The following RBFOX1 variants were observed in gnomAD, a reference collection of about 807,000 sequenced individuals.
RBFOX1 encodes the protein RNA binding fox-1 homolog 1.
Under a neutral mutation model 57.7 loss-of-function variants are expected in RBFOX1, and 8 were observed. That is an observed-to-expected ratio of 0.14 (90% CI 0.08 to 0.25). RBFOX1 has a LOEUF of 0.25. Ranked by LOEUF, RBFOX1 falls within the 10% of genes least tolerant of loss-of-function variation. The probability of loss-of-function intolerance (pLI) is 1.00; values close to 1 mark genes in which losing one functional copy is unlikely to be tolerated. For synonymous variants in RBFOX1, 326 were observed against 222.4 expected, an observed-to-expected ratio of 1.47 and a Z score of -4.15; for missense variants, 611 against 548.5, an observed-to-expected ratio of 1.11 and a Z score of -1.14.
intron 3 of RBFOX1, among the ~76,000 whole-genome samples, chr16:6,688,204 C>T (rs1005255595): frequency 6.6e-6 from 1 of 151,766 alleles, no homozygotes. Context: ...GAGAAGCAGG[C>T]GTGTCTTAGG....
intron 3 of RBFOX1, among the ~76,000 whole-genome samples, chr16:6,850,089 G>T (rs1015729395): frequency 1.3e-5 from 2 of 152,098 alleles, no homozygotes; most frequent in Non-Finnish European, 2.9e-5. Context: ...GATTGACATG[G>T]ACTCTTAAGT....
intron 3 of RBFOX1, among the ~76,000 whole-genome samples, chr16:5,835,826 C>T (rs561527346): frequency 3.3e-5 from 5 of 152,270 alleles, no homozygotes; most frequent in Admixed American, 6.5e-5. Flanking sequence ...CAATTGATTA[C>T]GAGCTCTTGG....
At chr16:5,624,460 G>A (rs1339454628) in intron 3 of RBFOX1, among the ~76,000 whole-genome samples, 1 of 152,250 alleles carries the variant, frequency 6.6e-6, no homozygotes, top group Non-Finnish European at 1.5e-5. Flanking sequence ...GCCTCCCAAA[G>A]TTCTGGGATC....
At chr16:6,387,506 TA>T (rs1341030606) in intron 2 of RBFOX1, among the ~76,000 whole-genome samples, 2 of 149,968 alleles carry the variant, frequency 1.3e-5, no homozygotes, top group South Asian at 2.1e-4. Context: ...GAGAGAGGTG[TA>T]AAAAAAATGA....
intron 1 of RBFOX1, among the ~76,000 whole-genome samples, chr16:5,401,875 A>G (rs2066727377): frequency 6.7e-6 from 1 of 150,142 alleles, no homozygotes; most frequent in African/African-American, 2.5e-5. Flanking sequence ...CGTCGTCGTC[A>G]TTTCTGTCTC....
intron 3 of RBFOX1, among the ~76,000 whole-genome samples, chr16:5,729,474 G>A (rs150999572): frequency 7.1e-6 from 1 of 141,648 alleles, no homozygotes; most frequent in Non-Finnish European, 1.5e-5. Flanking sequence ...TAGATGGCTT[G>A]CATTTAGGGG....
chr16:6,962,250 C>T (rs1431543903), intron 3 of RBFOX1, among the ~76,000 whole-genome samples: 1 of 152,078 alleles, frequency 6.6e-6, no homozygotes, highest in Admixed American at 6.5e-5. Context: ...GTCAGACCTC[C>T]CTCTCCTTTC....
At chr16:7,448,546 C>T (rs993927186) in intron 4 of RBFOX1, among the ~76,000 whole-genome samples, 4 of 152,124 alleles carry the variant, frequency 2.6e-5, no homozygotes, top group Admixed American at 1.3e-4. Flanking sequence ...AGACCCACCT[C>T]TATGATTCAG....
chr16:5,439,222 G>A (rs2068009157), intron 1 of RBFOX1, among the ~76,000 whole-genome samples: 1 of 152,062 alleles, frequency 6.6e-6, no homozygotes, highest in Non-Finnish European at 1.5e-5. Context: ...TGGAATGTGA[G>A]TCATTCCAGG....
intron 1 of RBFOX1, among the ~76,000 whole-genome samples, chr16:6,103,503 G>T (rs1053061060): frequency 7.2e-5 from 11 of 151,980 alleles, no homozygotes; most frequent in African/African-American, 2.7e-4. Flanking sequence ...AACTTTTCAG[G>T]TACTTAACAG....
intron 13 of RBFOX1, among the ~76,000 whole-genome samples, chr16:7,667,026 T>C (rs552311627): frequency 1.3e-5 from 2 of 152,324 alleles, no homozygotes; most frequent in Admixed American, 1.3e-4. Context: ...AATTATCGTT[T>C]TCCCCACTCT....
intron 3 of RBFOX1, among the ~76,000 whole-genome samples, chr16:5,834,569 G>A (rs1005182540): frequency 2.0e-5 from 3 of 148,226 alleles, no homozygotes; most frequent in African/African-American, 7.6e-5. Flanking sequence ...ATATAGAAGT[G>A]CATGTGTCAT....
intron 4 of RBFOX1, among the ~76,000 whole-genome samples, chr16:5,989,607 G>A (rs1193041640): frequency 6.6e-6 from 1 of 152,016 alleles, no homozygotes; most frequent in Non-Finnish European, 1.5e-5. Context: ...GTGGGTGGGG[G>A]CAGAAGACCT....
intron 1 of RBFOX1, among the ~76,000 whole-genome samples, chr16:6,020,779 C>T (rs1344492803): frequency 6.6e-6 from 1 of 152,188 alleles, no homozygotes; most frequent in Admixed American, 6.5e-5. Flanking sequence ...CCGCTCCCAT[C>T]TCCCCACCGC....
chr16:6,732,084 C>G (rs528568518), intron 3 of RBFOX1, among the ~76,000 whole-genome samples: 27 of 152,134 alleles, frequency 1.8e-4, no homozygotes, highest in African/African-American at 6.3e-4. Context: ...TTAACCTTTC[C>G]TTCATTTCTC....
chr16:5,496,851 C>A (rs1021503295), intron 2 of RBFOX1, among the ~76,000 whole-genome samples: 3 of 152,226 alleles, frequency 2.0e-5, no homozygotes, highest in African/African-American at 7.2e-5. Context: ...TAATCCATTT[C>A]TGCTCAGTAG....
intron 1 of RBFOX1, among the ~76,000 whole-genome samples, chr16:6,272,956 A>G (rs1240401427): frequency 1.3e-5 from 2 of 152,148 alleles, no homozygotes; most frequent in African/African-American, 4.8e-5. Flanking sequence ...AAAACTATAA[A>G]ACATTTAGTA....
rs139538007 is a variant in RBFOX1 at position 5,262,792 on chromosome 16, G to A, written c.219+22687G>A. On this transcript the variant is annotated intron_variant, in intron 1 of 2. Transcript: ENST00000585867. ...ATGGGGAGTTTGGATTTCACTGTGTGTAGCATGGAGAATCCTTGAAAATAT... is the reference window on the plus strand; with the variant it reads ...ATGGGGAGTTTGGATTTCACTGTGTATAGCATGGAGAATCCTTGAAAATAT... Among the ~76,000 whole-genome samples, 643 of 152,326 alleles carry A rather than the reference G, an allele frequency of 4.2e-3. 3 individuals carry two copies. Among genetic ancestry groups the A allele is most frequent in the African/African-American group, 0.015 (614 of 41,570 alleles).
At chr16:6,806,805 A>AT (rs1567330735) in intron 3 of RBFOX1, among the ~76,000 whole-genome samples, 1 of 110,262 alleles carries the variant, frequency 9.1e-6, no homozygotes, top group African/African-American at 3.4e-5. Context: ...TATATATATA[A>AT]ATAAATATAT....
Sources: allele counts gnomAD v4.1 joint callset (sites outside exome capture counted in the v4.1 genomes callset), GRCh38; gene constraint gnomAD v4.1.1; transcripts MANE v1.5; gene names NCBI Gene and HGNC (gene_info 2026-07-23, HGNC 2026-07-21).